SENP7: variants seen among roughly 807,000 people sequenced by gnomAD.
The protein encoded by SENP7 is sentrin-specific protease 7.
In SENP7, 64 loss-of-function variants were observed where a neutral mutation model predicts 141.2. That is an observed-to-expected ratio of 0.45 (90% CI 0.37 to 0.56). The LOEUF is 0.56. SENP7 is among the 20% of genes least tolerant of loss of function. The probability of loss-of-function intolerance (pLI) is 0.00; values close to 1 mark genes in which losing one functional copy is unlikely to be tolerated. For missense variants in SENP7, 1,025 were observed against 1,212.2 expected (o/e 0.85, Z 2.29); for synonymous variants, 382 against 426.4 (o/e 0.90, Z 1.28).
chr3:101,386,412 T>C (rs1042424283), intron 6 of SENP7, among the ~76,000 whole-genome samples: 8 of 152,126 alleles, frequency 5.3e-5, no homozygotes, highest in African/African-American at 1.9e-4. Context: ...TCCACATAAC[T>C]GCACTGTTCA....
At position 101,408,592 on chromosome 3, in the gene SENP7, A is replaced by G. The variant is rs141960001; in HGVS notation, c.482+9001T>C. ...CAAAAAGATAATCCACCATGATCAC[A>G]TAGGTTTCATATTAGGAATGCAAGG... On this transcript the variant is annotated intron_variant, in intron 5 of 23. Transcript: ENST00000394095. Among the ~76,000 whole-genome samples, 329 of 152,298 alleles carry G rather than the reference A, an allele frequency of 2.2e-3. 2 individuals are homozygous for G. The highest frequency in any genetic ancestry group is 7.3e-3 in the African/African-American group (304 of 41,582).
chr3:101,424,834 T>G (rs1483573651), intron 4 of SENP7, among the ~76,000 whole-genome samples: 3 of 152,140 alleles, frequency 2.0e-5, no homozygotes, highest in African/African-American at 7.2e-5. Flanking sequence ...CGTGATACAG[T>G]TTGGCTGTGT....
chr3:101,396,803 T>C (rs940800651), intron 6 of SENP7, among the ~76,000 whole-genome samples: 3 of 152,196 alleles, frequency 2.0e-5, no homozygotes, highest in African/African-American at 7.2e-5. Context: ...TAAACAGCTA[T>C]ACTGCAACGT....
At chr3:101,440,580 T>TAA (rs2062627284) in intron 4 of SENP7, among the ~76,000 whole-genome samples, 1 of 105,936 alleles carries the variant, frequency 9.4e-6, no homozygotes. Flanking sequence ...AAAAAATAAA[T>TAA]TAAAAAAAAA....
chr3:101,354,361 A>G lies in SENP7; in HGVS notation c.1624-2710T>C, dbSNP rs148800877. Among the ~76,000 whole-genome samples the G allele has an allele frequency of 6.1e-3, 927 of 152,164 alleles. 7 individuals are homozygous for G. Among genetic ancestry groups the G allele is most frequent in the African/African-American group, 0.022 (894 of 41,528 alleles). On this transcript the variant is annotated intron_variant, in intron 11 of 23. Coordinates refer to ENST00000394095, the MANE Select transcript of SENP7 (RefSeq NM_020654.5). ...TGTTGTACAGATTGTTTTGAAACCC[A>G]GGTATTAAGCCTAGTACTCGATAGT...
rs746633096 is a variant in SENP7 at position 101,340,171 on chromosome 3, C to T, written c.2281G>A (p.Gly761Arg). The change falls in exon 16 of 24, where the codon GGA (glycine) becomes AGA (arginine). Residue 761 changes from glycine to arginine, a missense_variant. Coordinates refer to ENST00000394095, the MANE Select transcript of SENP7 (RefSeq NM_020654.5). ...CACTCCAGATCTTCATTAGTTACTC[C>T]TAATCCCCCCTTAGTAGGTGGTGGA... ...YPPPPTKGGL[G>R]VTNEDLECLE... is the part of the protein sequence containing the mutation. The T allele has an allele frequency of 6.2e-7, 1 of 1,601,800 alleles. No homozygotes were observed. Among genetic ancestry groups the T allele is most frequent in the East Asian group, 2.3e-5 (1 of 44,424 alleles).
chr3:101,385,433 G>A (rs1279263763), intron 6 of SENP7, among the ~76,000 whole-genome samples: 2 of 152,142 alleles, frequency 1.3e-5, no homozygotes, highest in Admixed American at 1.3e-4. Flanking sequence ...CCCCACATAG[G>A]CAGAGTCTAA....
chr3:101,327,307 T>C (rs2058928380), intron 23 of SENP7, among the ~76,000 whole-genome samples: 1 of 152,030 alleles, frequency 6.6e-6, no homozygotes, highest in Non-Finnish European at 1.5e-5. Context: ...GGGAGGGACC[T>C]GGTAGGAGGT....
intron 3 of SENP7, among the ~76,000 whole-genome samples, chr3:101,463,948 C>T (rs1432965991): frequency 6.6e-6 from 1 of 152,074 alleles, no homozygotes; most frequent in African/African-American, 2.4e-5. Flanking sequence ...CCTCAGCCTC[C>T]CAAGTAGTTG....
At chr3:101,467,936 T>C (rs1036127746) in intron 3 of SENP7, among the ~76,000 whole-genome samples, 2 of 152,072 alleles carry the variant, frequency 1.3e-5, no homozygotes, top group African/African-American at 4.8e-5. Context: ...TTTGAACCCA[T>C]CGCAAGGAAG....
intron 9 of SENP7, 29 bp from the exon 10 acceptor site, chr3:101,365,020 GTTTATTTATTTA>G: frequency 7.6e-7 from 1 of 1,308,878 alleles, no homozygotes; most frequent in South Asian, 1.8e-5. Flanking sequence ...ATGTATTTTT[GTTTATTTATTTA>G]TTTATTTATT....
chr3:101,439,952 G>A (rs1294752675), intron 4 of SENP7, among the ~76,000 whole-genome samples: 9 of 90,458 alleles, frequency 9.9e-5, no homozygotes, highest in African/African-American at 3.2e-4. Flanking sequence ...GGAGGTGGGG[G>A]GGTCAGCCCT....
intron 17 of SENP7, among the ~76,000 whole-genome samples, chr3:101,335,436 C>T (rs1357820388): frequency 6.6e-6 from 1 of 152,084 alleles, no homozygotes; most frequent in East Asian, 1.9e-4. Context: ...AACACTAATG[C>T]TTGATCTGAT....
intron 5 of SENP7, among the ~76,000 whole-genome samples, chr3:101,404,156 A>T (rs187705218): frequency 2.6e-5 from 4 of 152,088 alleles, no homozygotes; most frequent in Non-Finnish European, 4.4e-5. Context: ...ATCACCTTAC[A>T]TCCCTTCAAA....
intron 10 of SENP7, among the ~76,000 whole-genome samples, chr3:101,362,637 C>T (rs1310172394): frequency 1.3e-5 from 2 of 152,096 alleles, no homozygotes; most frequent in Non-Finnish European, 2.9e-5. Context: ...TTTGGAGTTT[C>T]CAATGTCTAT....
At chr3:101,338,283 G>C (rs1022836464) in intron 16 of SENP7, among the ~76,000 whole-genome samples, 1 of 152,172 alleles carries the variant, frequency 6.6e-6, no homozygotes, top group Non-Finnish European at 1.5e-5. Flanking sequence ...TAATCCAGAG[G>C]AGTGAGGGTA....
intron 3 of SENP7, among the ~76,000 whole-genome samples, chr3:101,463,364 A>AATATATATATATAT (rs71625265): frequency 4.3e-4 from 38 of 89,182 alleles, no homozygotes; most frequent in South Asian, 1.1e-3. Context: ...TAAATAAATA[A>AATATATATATATAT]ATATATATAT....
intron 20 of SENP7, 61 bp from the exon 21 acceptor site, chr3:101,328,750 G>A: frequency 7.9e-7 from 1 of 1,265,612 alleles, no homozygotes; most frequent in Non-Finnish European, 1.1e-6. Context: ...TTACTATTCA[G>A]TTACTCCTTT....
chr3:101,380,470 T>C (rs1387304302), intron 6 of SENP7, among the ~76,000 whole-genome samples: 1 of 92,664 alleles, frequency 1.1e-5, no homozygotes, highest in Non-Finnish European at 2.3e-5. Flanking sequence ...AAACAAAACA[T>C]AACTAATTTT....
Sources: gnomAD v4.1 joint callset for allele counts (sites outside exome capture counted in the v4.1 genomes callset) on GRCh38, gnomAD v4.1.1 for gene constraint, MANE v1.5 for transcripts, NCBI Gene and HGNC (gene_info 2026-07-23, HGNC 2026-07-21) for gene names.